Variants in RNLS observed in about 807,000 individuals in gnomAD.
RNLS encodes renalase, FAD dependent amine oxidase, also known as renalase.
Under a neutral mutation model 39.8 loss-of-function variants are expected in RNLS, and 39 were observed. That is an observed-to-expected ratio of 0.98 (90% CI 0.76 to 1.28). The LOEUF (loss-of-function observed/expected upper bound fraction) is 1.28, where lower values mean the gene tolerates loss of function less well. Among genes scored for constraint, RNLS ranks in the 50% most tolerant of loss-of-function variants. The pLI is 0.00. For missense variants in RNLS, 410 were observed against 413.3 expected (o/e 0.99, Z 0.07); for synonymous variants, 147 against 150.7 (o/e 0.98, Z 0.18).
chr10:88,578,466 G>T (rs1356345583), intron 3 of RNLS, among the ~76,000 whole-genome samples: 1 of 151,912 alleles, frequency 6.6e-6, no homozygotes, highest in Non-Finnish European at 1.5e-5. Flanking sequence ...ATGTTTAAAA[G>T]GGATATAATT....
At chr10:88,255,103 C>T in the RNLS span, among the ~76,000 whole-genome samples, 7 of 152,192 alleles carry the variant, frequency 4.6e-5, no homozygotes, top group African/African-American at 1.4e-4. Flanking sequence ...ACCCTTTCTC[C>T]AACAGCAAGG....
intron 4 of RNLS, among the ~76,000 whole-genome samples, chr10:88,479,745 G>T (rs1441882013): frequency 6.7e-6 from 1 of 149,896 alleles, no homozygotes; most frequent in Non-Finnish European, 1.5e-5. Context: ...TTCCATTCAT[G>T]ACTTTTTCAT....
intron 4 of RNLS, among the ~76,000 whole-genome samples, chr10:88,525,043 A>T (rs1425688644): frequency 6.8e-6 from 1 of 146,588 alleles, no homozygotes; most frequent in African/African-American, 2.5e-5. Context: ...AAAATAAATA[A>T]ATAAATAAAC....
chr10:88,365,278 G>A (rs1231826067), intron 4 of RNLS, among the ~76,000 whole-genome samples: 2 of 151,538 alleles, frequency 1.3e-5, no homozygotes, highest in Non-Finnish European at 2.9e-5. Flanking sequence ...CTTGCAAGGC[G>A]GGCAAGATCT....
At chr10:88,491,966 T>G (rs1277989799) in intron 4 of RNLS, among the ~76,000 whole-genome samples, 7 of 151,654 alleles carry the variant, frequency 4.6e-5, no homozygotes, top group Admixed American at 6.6e-5. Flanking sequence ...TGTTTTTTTT[T>G]TTTTTTTTAG....
intron 4 of RNLS, among the ~76,000 whole-genome samples, chr10:88,467,344 C>A (rs879598525): frequency 2.6e-5 from 4 of 151,900 alleles, no homozygotes; most frequent in Non-Finnish European, 4.4e-5. Context: ...ATAACAGGAA[C>A]TTTAAATTAG....
intron 3 of RNLS, among the ~76,000 whole-genome samples, chr10:88,576,023 A>C (rs921567443): frequency 6.6e-6 from 1 of 152,116 alleles, no homozygotes; most frequent in African/African-American, 2.4e-5. Flanking sequence ...CTCTCAGCCT[A>C]ATTCCCTCTT....
At chr10:88,384,167 A>G (rs1851721734) in intron 4 of RNLS, among the ~76,000 whole-genome samples, 2 of 152,200 alleles carry the variant, frequency 1.3e-5, no homozygotes, top group Non-Finnish European at 2.9e-5. Flanking sequence ...CTTAACAGAA[A>G]AATGTTGCCA....
chr10:88,378,442 A>C (rs1214685031), intron 4 of RNLS, among the ~76,000 whole-genome samples: 4 of 152,214 alleles, frequency 2.6e-5, no homozygotes, highest in Admixed American at 6.5e-5. Context: ...AAGCCAGCTT[A>C]AAAATATTAC....
At chr10:88,433,353 A>T (rs1224501843) in intron 4 of RNLS, among the ~76,000 whole-genome samples, 2 of 152,122 alleles carry the variant, frequency 1.3e-5, no homozygotes, top group East Asian at 3.9e-4. Context: ...ATGAGGGTTC[A>T]GAGAGAGATG....
chr10:88,498,814 C>A (rs1845313753), intron 4 of RNLS, among the ~76,000 whole-genome samples: 1 of 151,788 alleles, frequency 6.6e-6, no homozygotes, highest in African/African-American at 2.4e-5. Flanking sequence ...AAAGTGTTAA[C>A]CTTTGGGGAA....
chr10:88,487,801 T>C (rs571070333), intron 4 of RNLS, among the ~76,000 whole-genome samples: 36 of 152,306 alleles, frequency 2.4e-4, no homozygotes, highest in East Asian at 1.7e-3. Flanking sequence ...CAGTTTGTCA[T>C]AGTCGCAAAT....
At chr10:88,367,222 C>T (rs1483845239) in intron 4 of RNLS, among the ~76,000 whole-genome samples, 1 of 152,080 alleles carries the variant, frequency 6.6e-6, no homozygotes, top group Non-Finnish European at 1.5e-5. Context: ...ACCTTCTGCT[C>T]CTTTTCCAGG....
chr10:88,471,100 C>A (rs1030792843), intron 4 of RNLS, among the ~76,000 whole-genome samples: 1 of 152,044 alleles, frequency 6.6e-6, no homozygotes, highest in African/African-American at 2.4e-5. Flanking sequence ...AGGTAACCTA[C>A]CTACAAGGAA....
intron 4 of RNLS, among the ~76,000 whole-genome samples, chr10:88,521,359 T>C (rs1320326086): frequency 6.6e-6 from 1 of 152,068 alleles, no homozygotes; most frequent in Non-Finnish European, 1.5e-5. Flanking sequence ...ATCCTGACTC[T>C]GTTTCGTTCA....
At chr10:88,330,267 GT>G (rs1480201374) in intron 5 of RNLS, among the ~76,000 whole-genome samples, 2 of 151,644 alleles carry the variant, frequency 1.3e-5, no homozygotes, top group East Asian at 3.9e-4. Context: ...TTTAAATAAT[GT>G]TCCTTTGGAA....
intron 4 of RNLS, among the ~76,000 whole-genome samples, chr10:88,539,787 T>C (rs1209844736): frequency 2.0e-5 from 3 of 152,114 alleles, no homozygotes. Flanking sequence ...AAAAGAAACA[T>C]TTATACAAGT....
intron 4 of RNLS, among the ~76,000 whole-genome samples, chr10:88,559,671 T>TCATTCATC (rs1849065238): frequency 6.6e-6 from 1 of 151,956 alleles, no homozygotes; most frequent in Non-Finnish European, 1.5e-5. Context: ...ACTCATTCAT[T>TCATTCATC]CATTCATTCA....
chr10:88,365,594 C>CACATACATATT (rs1312819600), intron 4 of RNLS, among the ~76,000 whole-genome samples: 1 of 150,792 alleles, frequency 6.6e-6, no homozygotes, highest in Non-Finnish European at 1.5e-5. Context: ...TTATATATAA[C>CACATACATATT]ATATCTTACA....
Sources: gnomAD v4.1 joint callset for allele counts (sites outside exome capture counted in the v4.1 genomes callset) on GRCh38, gnomAD v4.1.1 for gene constraint, MANE v1.5 for transcripts, NCBI Gene and HGNC (gene_info 2026-07-23, HGNC 2026-07-21) for gene names.